The following LRPPRC variants were observed in gnomAD, a reference collection of about 807,000 sequenced individuals.
The protein encoded by LRPPRC is leucine rich pentatricopeptide repeat containing.
In LRPPRC, 120 loss-of-function variants were observed where a neutral mutation model predicts 180.3. That is an observed-to-expected ratio of 0.67 (90% CI 0.57 to 0.77). The LOEUF is 0.77. Among genes scored for constraint, LRPPRC ranks in the 30% least tolerant of loss-of-function variants. The probability of loss-of-function intolerance (pLI) is 0.00; values close to 1 mark genes in which losing one functional copy is unlikely to be tolerated. For missense variants in LRPPRC, 2,012 were observed against 1,657.2 expected (o/e 1.21, Z -3.72); for synonymous variants, 723 against 600.0 (o/e 1.21, Z -3.00).
At chr2:43,953,242 G>C (rs72798860) in intron 14 of LRPPRC, among the ~76,000 whole-genome samples, 8 of 152,154 alleles carry the variant, frequency 5.3e-5, no homozygotes, top group African/African-American at 1.9e-4. Flanking sequence ...AGTTTTTGGA[G>C]TAGAAGAAAG....
intron 25 of LRPPRC, among the ~76,000 whole-genome samples, chr2:43,933,936 A>G (rs928762092): frequency 1.3e-5 from 2 of 152,176 alleles, no homozygotes; most frequent in Non-Finnish European, 2.9e-5. Context: ...TAATATGCAA[A>G]TATCATTTTG....
intron 31 of LRPPRC, 24 bp from the exon 32 acceptor site, chr2:43,901,548 G>A (rs1428361345): frequency 7.3e-6 from 11 of 1,507,268 alleles, no homozygotes; most frequent in African/African-American, 4.1e-5. Flanking sequence ...GCAGGAGATG[G>A]CTTTTCTTAT....
At chr2:43,959,163 G>T (rs112097224) in intron 13 of LRPPRC, 2 of 714,384 alleles carry the variant, frequency 2.8e-6, no homozygotes, top group African/African-American at 1.7e-5. Flanking sequence ...GATCCACCTC[G>T]TGAGCCCAGA....
Position 43,978,241 on chromosome 2 carries a change from T to C in LRPPRC, c.470-965A>G, listed in dbSNP as rs78659485. 1.2e-3 allele frequency among the ~76,000 whole-genome samples: 188 copies of C among 152,268 alleles called. 1 individual carries two copies. The highest frequency in any genetic ancestry group is 2.1e-3 in the Non-Finnish European group (140 of 67,978). On this transcript the variant is annotated intron_variant, in intron 3 of 37. Transcript: ENST00000260665. ...AGCTAAAAGATCTCTTGTATCTTTA[T>C]AAATCTGTAAACAAGAGTCAAACTG... is the stretch of plus-strand genomic sequence containing the variant.
At chr2:43,946,786 G>C (rs1167475128) in intron 20 of LRPPRC, among the ~76,000 whole-genome samples, 1 of 151,960 alleles carries the variant, frequency 6.6e-6, no homozygotes, top group Admixed American at 6.6e-5. Context: ...ACAAATTGCA[G>C]ACATACACTA....
intron 23 of LRPPRC, among the ~76,000 whole-genome samples, chr2:43,938,802 C>T (rs1672365051): frequency 6.6e-6 from 1 of 152,158 alleles, no homozygotes; most frequent in Admixed American, 6.5e-5. Flanking sequence ...ACTCCTAAAA[C>T]TCATATACAT....
intron 18 of LRPPRC, 143 bp downstream of exon 18, chr2:43,947,979 A>G (rs1266853963): frequency 2.4e-5 from 16 of 667,764 alleles, no homozygotes; most frequent in Non-Finnish European, 4.3e-5. Context: ...ATTTATGAAC[A>G]ATCAATGAAA....
intron 29 of LRPPRC, among the ~76,000 whole-genome samples, chr2:43,913,480 C>G (rs1208711233): frequency 1.3e-5 from 2 of 152,166 alleles, no homozygotes; most frequent in Non-Finnish European, 2.9e-5. Context: ...ACATTTTAAG[C>G]TACTTTAGAA....
chr2:43,935,707 C>T (rs1483263220), intron 23 of LRPPRC, among the ~76,000 whole-genome samples: 1 of 152,158 alleles, frequency 6.6e-6, no homozygotes, highest in Non-Finnish European at 1.5e-5. Flanking sequence ...TACTTTAACC[C>T]TGTCTTTATT....
rs149161579 is a variant in LRPPRC at position 43,917,001 on chromosome 2, C to T, written c.3148+1024G>A. On this transcript the variant is annotated intron_variant, in intron 29 of 37. Transcript: ENST00000260665. ...TATAATGAACCTCACCTTCCATATA[C>T]CCATCACTTATATCTAACAATTAAC... Among the ~76,000 whole-genome samples the T allele has an allele frequency of 3.8e-3, 557 of 147,062 alleles. 5 individuals are homozygous for T. Among genetic ancestry groups the T allele is most frequent in the South Asian group, 5.6e-3 (26 of 4,650 alleles).
intron 27 of LRPPRC, among the ~76,000 whole-genome samples, chr2:43,920,683 TTA>T (rs1671668426): frequency 1.8e-5 from 2 of 110,920 alleles, no homozygotes; most frequent in African/African-American, 3.7e-5. Context: ...CTTATTTGAT[TTA>T]AAAAAAAAAA....
At chr2:43,959,120 A>G in intron 13 of LRPPRC, 2 of 684,614 alleles carry the variant, frequency 2.9e-6, no homozygotes, top group South Asian at 3.2e-5. Context: ...AGTGGAATGG[A>G]TGATATGATA....
intron 1 of LRPPRC, among the ~76,000 whole-genome samples, chr2:43,992,968 C>G (rs922013035): frequency 6.6e-6 from 1 of 152,040 alleles, no homozygotes; most frequent in African/African-American, 2.4e-5. Context: ...GTTGAGAAAA[C>G]ACAGAAGGAC....
rs114019089 is a variant in LRPPRC at position 43,956,562 on chromosome 2, G to A, written c.1649+823C>T. On this transcript the variant is annotated intron_variant, in intron 14 of 37. Coordinates refer to ENST00000260665, the MANE Select transcript of LRPPRC (RefSeq NM_133259.4). Reference sequence around the variant, plus strand: ...AGAGGGTATGAGAGAAAGTAGACACGGCAAAATATTAACAACTGGCAAATC... The same window carrying A: ...AGAGGGTATGAGAGAAAGTAGACACAGCAAAATATTAACAACTGGCAAATC... Among the ~76,000 whole-genome samples the A allele has an allele frequency of 5.0e-3, 747 of 149,154 alleles. 14 individuals are homozygous for A. The highest frequency in any genetic ancestry group is 0.017 in the African/African-American group (704 of 40,326).
At chr2:43,907,895 TTTAATGGA>T (rs1671118007) in intron 30 of LRPPRC, among the ~76,000 whole-genome samples, 1 of 152,190 alleles carries the variant, frequency 6.6e-6, no homozygotes, top group South Asian at 2.1e-4. Flanking sequence ...GCCTTATGGT[TTTAATGGA>T]TTAATGGATT....
chr2:43,988,129 A>G (rs1369757510), intron 1 of LRPPRC, among the ~76,000 whole-genome samples: 1 of 151,642 alleles, frequency 6.6e-6, no homozygotes, highest in Non-Finnish European at 1.5e-5. Context: ...AATCCCAGCA[A>G]CTCAGAAGGC....
rs762273098 is a variant in LRPPRC at position 43,934,826 on chromosome 2, T to C, written c.2557A>G (p.Lys853Glu). ...ACATCATGAATCCTTGGTAATACTT[T>C]ATACTTTTCATAGCAGTCAATGGCG... ...EVAIDCYEKY[K>E]VLPRIHDVLC... The change falls in exon 24 of 38, where the codon AAA (lysine) becomes GAA (glutamate). Residue 853 changes from lysine to glutamate, a missense_variant. Lys to Glu is a moderately conservative substitution (Grantham distance 56). Coordinates refer to ENST00000260665, the MANE Select transcript of LRPPRC (RefSeq NM_133259.4). The C allele has an allele frequency of 2.5e-6, 4 of 1,612,568 alleles. No homozygotes were observed. Among genetic ancestry groups the C allele is most frequent in the Middle Eastern group, 1.6e-4 (1 of 6,080 alleles).
At chr2:43,959,680 G>A (rs1212868963) in intron 13 of LRPPRC, among the ~76,000 whole-genome samples, 15 of 152,056 alleles carry the variant, frequency 9.9e-5, no homozygotes, top group Admixed American at 6.6e-4. Flanking sequence ...TGAGGCAGGC[G>A]GATCACTTGT....
chr2:43,988,489 T>C (rs978039853), intron 1 of LRPPRC, among the ~76,000 whole-genome samples: 1 of 152,140 alleles, frequency 6.6e-6, no homozygotes, highest in Non-Finnish European at 1.5e-5. Context: ...TGAGCCGAGA[T>C]CACGCCACTG....
Sources: allele counts gnomAD v4.1 joint callset (sites outside exome capture counted in the v4.1 genomes callset), GRCh38; gene constraint gnomAD v4.1.1; transcripts MANE v1.5; gene names NCBI Gene and HGNC (gene_info 2026-07-23, HGNC 2026-07-21).